The following ZNF202 variants were observed in gnomAD, a reference collection of about 807,000 sequenced individuals.
ZNF202 encodes the protein zinc finger protein with KRAB and SCAN domains 10.
ZNF202 carries 22 observed loss-of-function variants against 54.5 expected under a neutral mutation model. The observed-to-expected ratio is 0.40, with a 90% CI of 0.29 to 0.58. ZNF202 has a LOEUF of 0.58. ZNF202 is among the 20% of genes least tolerant of loss of function. The pLI is 0.39. For synonymous variants in ZNF202, 294 were observed against 301.4 expected (o/e 0.98, Z 0.26); for missense variants, 644 against 805.5 (o/e 0.80, Z 2.43).
At chr11:123,731,641 G>C (rs542754402) in intron 3 of ZNF202, among the ~76,000 whole-genome samples, 4 of 152,288 alleles carry the variant, frequency 2.6e-5, no homozygotes, top group African/African-American at 9.6e-5. Context: ...CCATAGGCAA[G>C]TTCTCATTCT....
At chr11:123,729,527 T>C in intron 5 of ZNF202, 88 bp downstream of exon 5, 1 of 1,386,626 alleles carries the variant, frequency 7.2e-7, no homozygotes, top group South Asian at 1.5e-5. Flanking sequence ...TCTACCCAGC[T>C]TCCTTGGTAT....
chr11:123,740,752 A>G (rs1861826780), intron 1 of ZNF202, among the ~76,000 whole-genome samples: 1 of 152,164 alleles, frequency 6.6e-6, no homozygotes, highest in African/African-American at 2.4e-5. Context: ...CAAAAATTAG[A>G]CTGACACCTT....
At chr11:123,733,369 G>C (rs1391523751) in intron 3 of ZNF202, among the ~76,000 whole-genome samples, 6 of 152,020 alleles carry the variant, frequency 3.9e-5, no homozygotes, top group Non-Finnish European at 8.8e-5. Context: ...CTAATTCCTA[G>C]ATCTTCATGT....
At chr11:123,729,525 G>A in intron 5 of ZNF202, 90 bp downstream of exon 5, 1 of 1,381,320 alleles carries the variant, frequency 7.2e-7, no homozygotes, top group Non-Finnish European at 9.6e-7. Flanking sequence ...TATCTACCCA[G>A]CTTCCTTGGT....
Position 123,729,174 on chromosome 11 carries a change from C to T in ZNF202, c.654G>A (p.Arg218=). The change falls in exon 6 of 9, where the codon AGG becomes AGA. Residue 218 remains arginine (R), a synonymous_variant. Transcript: ENST00000530393. Reference sequence around the variant, plus strand: ...CAACCATCTCTGAGTCTCCAGAGCTCCTCTCTGCAGGAAGGTCTGGGTCCT... The same window carrying T: ...CAACCATCTCTGAGTCTCCAGAGCTTCTCTCTGCAGGAAGGTCTGGGTCCT... ...VPEDPDLPAE[R]SSGDSEMVAL... 6.2e-7 allele frequency: 1 copy of T among 1,613,954 alleles called. No individual in the cohort carries two copies. The highest frequency in any genetic ancestry group is 1.1e-5 in the South Asian group (1 of 91,040).
intron 3 of ZNF202, among the ~76,000 whole-genome samples, chr11:123,734,751 G>A (rs1434528496): frequency 1.3e-5 from 2 of 152,072 alleles, no homozygotes; most frequent in Admixed American, 1.3e-4. Context: ...TTTGATGAAT[G>A]CAGAGAATGC....
chr11:123,733,423 T>C (rs1861498327), intron 3 of ZNF202, among the ~76,000 whole-genome samples: 1 of 152,234 alleles, frequency 6.6e-6, no homozygotes, highest in Non-Finnish European at 1.5e-5. Context: ...GATTTATTTT[T>C]TTCTCAAGTG....
chr11:123,729,285 CCCCA>C, intron 5 of ZNF202, 71 bp from the exon 6 acceptor site: 2 of 1,464,156 alleles, frequency 1.4e-6, no homozygotes, highest in African/African-American at 2.8e-5. Context: ...TCTGGGCATC[CCCCA>C]CCATCTTTGG....
At position 123,725,800 on chromosome 11, in the gene ZNF202, A is replaced by T; in HGVS notation, c.*197T>A. 1 of 613,902 alleles carries T rather than the reference A, an allele frequency of 1.6e-6. No individual in the cohort carries two copies. Among genetic ancestry groups the T allele is most frequent in the South Asian group, 2.5e-5 (1 of 40,120 alleles). The allele number at this position is 613,902 out of a possible 1,614,324, so 38.0% of individuals were successfully genotyped here. A position where few individuals can be genotyped will look rare whatever the true frequency, so the allele number is the denominator to read the frequency against. On this transcript the variant is annotated 3_prime_UTR_variant, in exon 9 of 9. Coordinates refer to ENST00000530393, the MANE Select transcript of ZNF202 (RefSeq NM_003455.4). Reference sequence around the variant, plus strand: ...ATTCAGGTTGTACTTTGGATGAAACATCCCCTCAAGGCGTAGAGGAAGGCT... The same window carrying T: ...ATTCAGGTTGTACTTTGGATGAAACTTCCCCTCAAGGCGTAGAGGAAGGCT...
chr11:123,726,519 T>C lies in ZNF202; in HGVS notation c.1425A>G (p.Pro475=), dbSNP rs769935639. The C allele has an allele frequency of 1.6e-5, 26 of 1,614,260 alleles. No homozygotes were observed. The highest frequency in any genetic ancestry group is 1.6e-4 in the Middle Eastern group (1 of 6,062). Residue 475 remains proline, a synonymous_variant, in exon 9 of 9, where the codon CCA becomes CCG. Transcript: ENST00000530393. The surrounding 1 kb of genome is among the most constrained non-coding windows in gnomAD (Gnocchi z 6.0). ...TSPVTQAERT[P]SVEKPYRCDD... ...CACATCTATAGGGTTTCTCCACTGATGGAGTTCTCTCAGCCTGTGTCACAG... is the reference window on the plus strand; with the variant it reads ...CACATCTATAGGGTTTCTCCACTGACGGAGTTCTCTCAGCCTGTGTCACAG...
chr11:123,729,512 G>A (rs1861305821), intron 5 of ZNF202, 103 bp downstream of exon 5: 2 of 1,322,748 alleles, frequency 1.5e-6, no homozygotes, highest in South Asian at 1.5e-5. Context: ...TTTCCATACA[G>A]TCTATCTACC....
rs566082196 is a variant in ZNF202, at chr11:123,740,192, A to C, written c.-173T>G. ...TGTTGTACCCTTGGAATGATTGTCT[A>C]CTGCAATATAGTATATACACAGAGT... On this transcript the variant is annotated splice_region_variant and 5_prime_UTR_variant, in exon 3 of 9. Coordinates refer to ENST00000530393, the MANE Select transcript of ZNF202 (RefSeq NM_003455.4). The C allele has an allele frequency of 2.0e-5, 3 of 152,326 alleles. No homozygotes were observed. In the South Asian group the frequency reaches 6.2e-4, roughly 32 times the overall value. 9.4% of individuals were successfully genotyped at this position (152,326 alleles called of 1,614,324 possible). A position where few individuals can be genotyped will look rare whatever the true frequency, so the allele number is the denominator to read the frequency against.
chr11:123,738,331 G>A (rs1220873350), intron 3 of ZNF202, among the ~76,000 whole-genome samples: 1 of 152,176 alleles, frequency 6.6e-6, no homozygotes, highest in Non-Finnish European at 1.5e-5. Context: ...ATTTTTAAGA[G>A]GCCAGATTTA....
chr11:123,728,054 G>A lies in ZNF202; in HGVS notation c.832+79C>T, dbSNP rs111822818. On this transcript the variant is annotated intron_variant, in intron 7 of 8. Coordinates refer to ENST00000530393, the MANE Select transcript of ZNF202 (RefSeq NM_003455.4). ...GAGAAGTTCACTGCATACAATCTAAGGTCTAAGATCCCCCAAAATTTCCAG... is the reference window on the plus strand; with the variant it reads ...GAGAAGTTCACTGCATACAATCTAAAGTCTAAGATCCCCCAAAATTTCCAG... 1,300 of 1,519,062 alleles carry A rather than the reference G, an allele frequency of 8.6e-4. 7 individuals carry two copies. The African/African-American group carries it at 0.016, about 19-fold the overall frequency. The allele number at this position is 1,519,062 out of a possible 1,614,324, so 94.1% of individuals were successfully genotyped here.
chr11:123,729,475 T>C (rs1439657458), intron 5 of ZNF202, 140 bp downstream of exon 5: 1 of 1,121,748 alleles, frequency 8.9e-7, no homozygotes, highest in Non-Finnish European at 1.2e-6. Context: ...TACTGTCTCC[T>C]CTTGACATCC....
chr11:123,728,013 G>T, intron 7 of ZNF202, 120 bp downstream of exon 7: 3 of 1,117,858 alleles, frequency 2.7e-6, no homozygotes, highest in Non-Finnish European at 3.8e-6. Context: ...CAATTTTATT[G>T]GTGGGGAAGG....
chr11:123,736,258 C>G (rs1328612058), intron 3 of ZNF202, among the ~76,000 whole-genome samples: 4 of 152,050 alleles, frequency 2.6e-5, no homozygotes, highest in African/African-American at 9.7e-5. Context: ...CTTTCTGGAC[C>G]CTAAATGACA....
rs1359419500 is a variant in ZNF202 at position 123,729,210 on chromosome 11, G to A, written c.618C>T (p.Val206=). ...GAAGGTCTGGGTCCTCGGGCACTGG[G>A]ACCTCTATGAAGAAAAGAAGGCAAA... ...EELQTLQESE[V]PVPEDPDLPA... The change falls in exon 6 of 9, where the codon GTC becomes GTT. Residue 206 remains valine, a synonymous_variant. Transcript: ENST00000530393. 16 of 1,612,872 alleles carry A rather than the reference G, an allele frequency of 9.9e-6. No homozygotes were observed. Among genetic ancestry groups the A allele is most frequent in the Middle Eastern group, 1.6e-4 (1 of 6,084 alleles).
At position 123,726,594 on chromosome 11, in the gene ZNF202, G is replaced by C; in HGVS notation, c.1350C>G (p.Asn450Lys). 6.2e-7 allele frequency: 1 copy of C among 1,614,170 alleles called. No homozygotes were observed. Among genetic ancestry groups the C allele is most frequent in the Non-Finnish European group, 8.5e-7 (1 of 1,180,038 alleles). ...GGTTTAGGGGATATTTGTAAGGCGCGTTCATCTTGTGAACCTTTTGGTGCC... is the reference window on the plus strand; with the variant it reads ...GGTTTAGGGGATATTTGTAAGGCGCCTTCATCTTGTGAACCTTTTGGTGCC... ...LARHQKVHKM[N>K]APYKYPLNRK... Residue 450 changes from asparagine to lysine, a missense_variant, in exon 9 of 9, where the codon AAC (asparagine) becomes AAG (lysine). Asn to Lys is a moderately conservative substitution (Grantham distance 94). Transcript: ENST00000530393. The surrounding 1 kb of genome is among the most constrained non-coding windows in gnomAD (Gnocchi z 6.0).
Sources: allele counts gnomAD v4.1 joint callset (sites outside exome capture counted in the v4.1 genomes callset), GRCh38; gene constraint gnomAD v4.1.1; non-coding constraint Gnocchi (gnomAD v3.1); transcripts MANE v1.5; gene names NCBI Gene and HGNC (gene_info 2026-07-23, HGNC 2026-07-21).